Variants in LMF1 observed in about 807,000 individuals in gnomAD.
The protein encoded by LMF1 is lipase maturation factor 1, also known as transmembrane protein 112.
A neutral mutation model predicts 60.6 loss-of-function variants in LMF1; 68 were observed. That is an observed-to-expected ratio of 1.12 (90% CI 0.92 to 1.37). The LOEUF is 1.37. Ranked by LOEUF, LMF1 falls within the 40% of genes most tolerant of loss-of-function variation. The pLI is 0.00. For missense variants in LMF1, 948 were observed against 767.2 expected (o/e 1.24, Z -2.78); for synonymous variants, 418 against 324.7 (o/e 1.29, Z -3.09).
At chr16:963,423 TGTATACATGTGCACC>T (rs1161637172) in intron 1 of LMF1, among the ~76,000 whole-genome samples, 1 of 152,018 alleles carries the variant, frequency 6.6e-6, no homozygotes, top group East Asian at 1.9e-4. Context: ...CATGTGCACA[TGTATACATGTGCACC>T]TGTGCATGGA....
chr16:893,015 G>T lies in LMF1; in HGVS notation c.721C>A (p.His241Asn). The T allele has an allele frequency of 6.5e-7, 1 of 1,550,296 alleles. No individual in the cohort carries two copies. ...CTGCACGGCACGCTCACCTCATAGTGGAAGTCCATGCAGGTGAGGTCTCGC... is the reference window on the plus strand; with the variant it reads ...CTGCACGGCACGCTCACCTCATAGTTGAAGTCCATGCAGGTGAGGTCTCGC... ...CWRDLTCMDF[H>N]YETQPMPNPV... The change falls in exon 5 of 11, where the codon CAC becomes AAC. Residue 241 changes from histidine to asparagine, a missense_variant. By Grantham distance (68) the His-to-Asn change is moderately conservative (BLOSUM62 1). Coordinates refer to ENST00000262301, the MANE Select transcript of LMF1 (RefSeq NM_022773.4).
intron 1 of LMF1, among the ~76,000 whole-genome samples, chr16:959,541 G>A (rs1433478084): frequency 1.3e-5 from 2 of 152,166 alleles, no homozygotes; most frequent in African/African-American, 2.4e-5. Context: ...GGGAAGACCC[G>A]ACCAGGAGGT....
At chr16:975,728 G>T, upstream of LMF1, 1 of 442,236 alleles carries the variant, frequency 2.3e-6, no homozygotes, top group Non-Finnish European at 4.5e-6. Context: ...CCTTCCCCAC[G>T]CTCAGAAAAA....
intron 3 of LMF1, chr16:933,964 GCCCCAGGGAAGCGGTGGTAATCACA>G: frequency 7.0e-7 from 1 of 1,429,088 alleles, no homozygotes; most frequent in African/African-American, 1.4e-5. Context: ...CTTTCCCTCT[GCCCCAGGGAAGCGGTGGTAATCACA>G]CCTGTGAGAT....
chr16:869,790 C>T (rs767284911), intron 9 of LMF1, 93 bp downstream of exon 9: 187 of 1,302,600 alleles, frequency 1.4e-4, no homozygotes, highest in Admixed American at 5.1e-4. Context: ...CCCCACCAGC[C>T]CCTTCAGTGG....
intron 3 of LMF1, among the ~76,000 whole-genome samples, chr16:914,599 G>A (rs1596983329): frequency 4.6e-5 from 3 of 64,720 alleles, no homozygotes; most frequent in African/African-American, 1.4e-4. Flanking sequence ...GACCACTGGT[G>A]ACACACTCCC....
chr16:951,581 A>G (rs1323531654), intron 2 of LMF1, among the ~76,000 whole-genome samples: 3 of 152,228 alleles, frequency 2.0e-5, no homozygotes, highest in Non-Finnish European at 2.9e-5. Context: ...CCAAACCCCC[A>G]GATGTTTAAA....
At chr16:913,384 C>A (rs1298688567) in intron 3 of LMF1, among the ~76,000 whole-genome samples, 1 of 152,270 alleles carries the variant, frequency 6.6e-6, no homozygotes, top group African/African-American at 2.4e-5. Flanking sequence ...GCCCAATCAG[C>A]GGAGAAGCTG....
intron 1 of LMF1, among the ~76,000 whole-genome samples, chr16:978,244 G>GCACTATACACGCACCATACA (rs1276449602): frequency 6.9e-6 from 1 of 144,586 alleles, no homozygotes; most frequent in African/African-American, 2.6e-5. Context: ...CACACCATAC[G>GCACTATACACGCACCATACA]CACTATACAC....
rs555435528 is a variant in LMF1 at position 854,627 on chromosome 16, G to A, written c.1609C>T (p.Arg537Trp). Reference protein sequence around the residue: ...RHAAEGKWWVRKRIGAYFPPL... With the variant: ...RHAAEGKWWVWKRIGAYFPPL... Reference sequence around the variant, plus strand: ...GGGAAGTAGGCTCCGATCCTCTTCCGCACCCACCACTTGCCCTCGGCGGCG... The same window carrying A: ...GGGAAGTAGGCTCCGATCCTCTTCCACACCCACCACTTGCCCTCGGCGGCG... Residue 537 changes from arginine to tryptophan, a missense_variant, in exon 11 of 11, where the codon CGG becomes TGG. Arg to Trp is a moderately radical substitution (Grantham distance 101, BLOSUM62 -3). Transcript: ENST00000262301. 5.0e-5 allele frequency: 81 copies of A among 1,606,768 alleles called. No individual in the cohort carries two copies. The South Asian group carries it at 6.9e-4, about 14-fold the overall frequency.
Position 970,816 on chromosome 16 carries a change from C to G in LMF1, c.165G>C (p.Val55=). Residue 55 remains valine (V), a synonymous_variant, in exon 1 of 11, where the codon GTG becomes GTC. Coordinates refer to ENST00000262301, the MANE Select transcript of LMF1 (RefSeq NM_022773.4). ...ACACGAAGGCTAGGGCCTTCAGGAG[C>G]ACGATCCGGGTCAGCCAGAAGGTGC... ...HTGTFWLTRI[V]LLKALAFVYF... 1.3e-6 allele frequency: 2 copies of G among 1,543,302 alleles called. No homozygotes were observed.
intron 3 of LMF1, 162 bp downstream of exon 3, chr16:934,082 A>T: frequency 6.6e-7 from 1 of 1,521,014 alleles, no homozygotes. Context: ...GGGAGGAGGC[A>T]CGGATCAGAT....
At chr16:902,604 G>C (rs968491208) in intron 4 of LMF1, 1 of 166,996 alleles carries the variant, frequency 6.0e-6, no homozygotes, top group Admixed American at 6.3e-5. Context: ...GGGGACGCCC[G>C]TCTCTGCTGC....
intron 6 of LMF1, among the ~76,000 whole-genome samples, chr16:879,324 T>C (rs1218451613): frequency 6.6e-6 from 1 of 152,168 alleles, no homozygotes; most frequent in Non-Finnish European, 1.5e-5. Context: ...CTCTCGCAGC[T>C]GCAGGAAACG....
rs556244559 is a variant in LMF1, at chr16:893,375, T to C, written c.664-303A>G. The C allele has an allele frequency of 1.4e-4, 73 of 511,262 alleles. 1 individual carries two copies. The highest frequency in any genetic ancestry group is 1.2e-3 in the Admixed American group (55 of 44,074). 31.7% of individuals were successfully genotyped at this position (511,262 alleles called of 1,614,324 possible). A position where few individuals can be genotyped will look rare whatever the true frequency, so the allele number is the denominator to read the frequency against. The stretch of plus-strand genomic sequence containing the variant: ...TCCACGCATCATCACGCTACAGAAG[T>C]TGCGTGTCTTTAAAGAGGACAAATG... On this transcript the variant is annotated intron_variant, in intron 4 of 10. Transcript: ENST00000262301.
chr16:981,053 G>A, intron 1 of LMF1: 1 of 232,838 alleles, frequency 4.3e-6, no homozygotes, highest in Non-Finnish European at 8.8e-6. Context: ...CCGGGACCGC[G>A]CCCCCGCCCG....
At chr16:914,165 G>A (rs763357278) in intron 3 of LMF1, among the ~76,000 whole-genome samples, 7 of 151,528 alleles carry the variant, frequency 4.6e-5, no homozygotes, top group African/African-American at 1.5e-4. Context: ...GGGCCACCCC[G>A]ACCCCTCCTA....
chr16:928,832 G>A (rs894051129), intron 3 of LMF1, among the ~76,000 whole-genome samples: 18 of 152,112 alleles, frequency 1.2e-4, no homozygotes, highest in African/African-American at 3.9e-4. Context: ...GTAGACACCC[G>A]TACACACCCA....
intron 1 of LMF1, among the ~76,000 whole-genome samples, chr16:960,071 C>A (rs959366166): frequency 6.6e-6 from 1 of 152,196 alleles, no homozygotes; most frequent in Non-Finnish European, 1.5e-5. Flanking sequence ...TGTGACACCC[C>A]GGGAGCAACG....
Sources: allele counts gnomAD v4.1 joint callset (sites outside exome capture counted in the v4.1 genomes callset), GRCh38; gene constraint gnomAD v4.1.1; transcripts MANE v1.5; gene names NCBI Gene and HGNC (gene_info 2026-07-23, HGNC 2026-07-21).